The following LUZP2 variants were observed in gnomAD, a reference collection of about 807,000 sequenced individuals.
LUZP2 encodes the protein leucine zipper protein 2.
LUZP2 carries 52 observed loss-of-function variants against 51.6 expected under a neutral mutation model. The ratio of observed to expected loss-of-function variants is 1.01; its 90% confidence interval spans 0.81 to 1.27. LUZP2 has a LOEUF of 1.27. Among genes scored for constraint, LUZP2 ranks in the 50% most tolerant of loss-of-function variants. LUZP2 has a pLI of 0.00. For synonymous variants in LUZP2, 154 were observed against 137.3 expected (o/e 1.12, Z -0.85); for missense variants, 436 against 395.4 (o/e 1.10, Z -0.87).
Position 24,736,469 on chromosome 11 carries a change from G to GTCCTTCCT in LUZP2, c.252-1705_252-1698dup, listed in dbSNP as rs61318393. ...TTTGAGTGTTTGGGATAACATGTAG[G>GTCCTTCCT]TCCTTCCTTCCTTCCTTCCTTCCTT... On this transcript the variant is annotated intron_variant, in intron 3 of 11. Transcript: ENST00000336930. 5.3e-3 allele frequency among the ~76,000 whole-genome samples: 775 copies of GTCCTTCCT among 146,402 alleles called. 6 individuals carry two copies. Among genetic ancestry groups the GTCCTTCCT allele is most frequent in the African/African-American group, 0.018 (700 of 39,274 alleles).
intron 7 of LUZP2, among the ~76,000 whole-genome samples, chr11:24,920,588 T>C (rs1441411107): frequency 1.3e-5 from 2 of 152,036 alleles, no homozygotes; most frequent in Non-Finnish European, 2.9e-5. Flanking sequence ...TGTACACATA[T>C]GGAATGCTAT....
intron 5 of LUZP2, among the ~76,000 whole-genome samples, chr11:24,776,698 A>T (rs1848935679): frequency 6.6e-6 from 1 of 152,096 alleles, no homozygotes; most frequent in Non-Finnish European, 1.5e-5. Flanking sequence ...CATATTGAGG[A>T]TCTTCACTCT....
At chr11:24,537,755 T>A in intron 1 of LUZP2, among the ~76,000 whole-genome samples, 1 of 151,932 alleles carries the variant, frequency 6.6e-6, no homozygotes. Context: ...ACCTTTTGCA[T>A]ATATTATTAT....
chr11:24,695,948 A>C (rs1302146036), intron 1 of LUZP2, among the ~76,000 whole-genome samples: 1 of 152,000 alleles, frequency 6.6e-6, no homozygotes, highest in Non-Finnish European at 1.5e-5. Context: ...AGATAGAAGG[A>C]TATATTGGAA....
At chr11:24,920,482 T>C (rs1031643759) in intron 7 of LUZP2, among the ~76,000 whole-genome samples, 1 of 152,074 alleles carries the variant, frequency 6.6e-6, no homozygotes, top group African/African-American at 2.4e-5. Flanking sequence ...TCAAAACTTA[T>C]CTGCACTCAC....
At chr11:24,814,896 G>A (rs1352784139) in intron 5 of LUZP2, among the ~76,000 whole-genome samples, 1 of 151,886 alleles carries the variant, frequency 6.6e-6, no homozygotes, top group Non-Finnish European at 1.5e-5. Flanking sequence ...GGAGGCTGAG[G>A]CAGGAGAATG....
chr11:24,993,364 ACT>A (rs1303970277), intron 9 of LUZP2, among the ~76,000 whole-genome samples: 18 of 151,988 alleles, frequency 1.2e-4, no homozygotes, highest in Non-Finnish European at 2.5e-4. Context: ...CAATACCAAA[ACT>A]CTATCAATGT....
chr11:24,538,695 A>G (rs2133841068), intron 1 of LUZP2, among the ~76,000 whole-genome samples: 1 of 151,700 alleles, frequency 6.6e-6, no homozygotes, highest in South Asian at 2.1e-4. Context: ...ACTTTCAAAA[A>G]AATAAGTCCA....
chr11:24,643,541 T>A (rs1855372773), intron 1 of LUZP2, among the ~76,000 whole-genome samples: 1 of 152,310 alleles, frequency 6.6e-6, no homozygotes, highest in Admixed American at 6.5e-5. Context: ...GTACAGATTT[T>A]GTTTCCCCTT....
intron 1 of LUZP2, among the ~76,000 whole-genome samples, chr11:24,682,545 G>A (rs199627525): frequency 9.2e-5 from 13 of 141,484 alleles, no homozygotes; most frequent in East Asian, 8.5e-4. Flanking sequence ...GTGTGTATAT[G>A]TATATATACA....
chr11:24,929,957 G>A (rs1315692213), intron 7 of LUZP2, among the ~76,000 whole-genome samples: 1 of 152,002 alleles, frequency 6.6e-6, no homozygotes, highest in Non-Finnish European at 1.5e-5. Context: ...TTCCCTGTAG[G>A]GCAAGTCCTG....
At chr11:24,716,694 C>T (rs1858057611) in intron 1 of LUZP2, among the ~76,000 whole-genome samples, 5 of 152,180 alleles carry the variant, frequency 3.3e-5, no homozygotes, top group Admixed American at 2.6e-4. Context: ...GTCAAGAGTT[C>T]GAGACCAACT....
intron 9 of LUZP2, among the ~76,000 whole-genome samples, chr11:24,998,693 G>C (rs975518025): frequency 6.6e-6 from 1 of 152,076 alleles, no homozygotes; most frequent in Non-Finnish European, 1.5e-5. Flanking sequence ...TTGAAATCCT[G>C]TCTACCTATA....
chr11:24,873,840 G>A (rs1852160871), intron 5 of LUZP2, among the ~76,000 whole-genome samples: 1 of 152,142 alleles, frequency 6.6e-6, no homozygotes, highest in Admixed American at 6.6e-5. Flanking sequence ...TTGTTAAATA[G>A]AAAAACTACA....
chr11:24,837,378 A>T (rs1347542915), intron 5 of LUZP2, among the ~76,000 whole-genome samples: 1 of 151,508 alleles, frequency 6.6e-6, no homozygotes, highest in Non-Finnish European at 1.5e-5. Flanking sequence ...CCCAATATGA[A>T]CCTTCAATTT....
chr11:24,517,524 A>T (rs7479577), intron 1 of LUZP2, among the ~76,000 whole-genome samples: 1 of 138,876 alleles, frequency 7.2e-6, no homozygotes, highest in Non-Finnish European at 1.5e-5. Context: ...TTGTAGGTAC[A>T]TATTAAATTT....
chr11:24,945,001 A>G (rs561899368), intron 7 of LUZP2, among the ~76,000 whole-genome samples: 6 of 152,198 alleles, frequency 3.9e-5, no homozygotes, highest in Non-Finnish European at 5.9e-5. Flanking sequence ...ACTGAGGTAG[A>G]GTAGTGAGTG....
At chr11:24,718,150 G>A (rs1446155133) in intron 1 of LUZP2, among the ~76,000 whole-genome samples, 4 of 152,218 alleles carry the variant, frequency 2.6e-5, no homozygotes, top group African/African-American at 9.6e-5. Flanking sequence ...GGAAAAGAGT[G>A]AGCGGGTTGT....
intron 1 of LUZP2, among the ~76,000 whole-genome samples, chr11:24,504,072 T>C (rs1850080441): frequency 6.6e-6 from 1 of 152,178 alleles, no homozygotes; most frequent in Admixed American, 6.5e-5. Context: ...GCACACCATT[T>C]ACCTCCCATA....
Sources: gnomAD v4.1 joint callset for allele counts (sites outside exome capture counted in the v4.1 genomes callset) on GRCh38, gnomAD v4.1.1 for gene constraint, MANE v1.5 for transcripts, NCBI Gene and HGNC (gene_info 2026-07-23, HGNC 2026-07-21) for gene names.